BEST1: variants seen among roughly 807,000 people sequenced by gnomAD.
BEST1 encodes the protein bestrophin-1.
Under a neutral mutation model 63.3 loss-of-function variants are expected in BEST1, and 58 were observed. The observed-to-expected ratio is 0.92, with a 90% CI of 0.74 to 1.14. The LOEUF (loss-of-function observed/expected upper bound fraction) is 1.14. BEST1 is among the 50% of genes most tolerant of loss of function. BEST1 has a pLI of 0.00. For missense variants in BEST1, 671 were observed against 740.1 expected (o/e 0.91, Z 1.08); for synonymous variants, 283 against 291.6 (o/e 0.97, Z 0.30).
intron 7 of BEST1, 74 bp from the exon 8 acceptor site, chr11:61,959,424 G>A: frequency 7.0e-7 from 1 of 1,422,890 alleles, no homozygotes; most frequent in Non-Finnish European, 9.9e-7. Context: ...AATAGCAGCA[G>A]CTGAGGTTTA....
intron 2 of BEST1, among the ~76,000 whole-genome samples, chr11:61,954,316 C>T (rs1402081962): frequency 2.0e-5 from 3 of 152,054 alleles, no homozygotes; most frequent in African/African-American, 4.8e-5. Flanking sequence ...ACCCAAAGTT[C>T]ATAGCGTACA....
At position 61,958,350 on chromosome 11, in the gene BEST1, G is replaced by A. The variant is rs764267709; in HGVS notation, c.867+52G>A. 9.3e-6 allele frequency: 15 copies of A among 1,613,654 alleles called. No individual in the cohort carries two copies. The South Asian group carries it at 1.4e-4, about 15-fold the overall frequency. On this transcript the variant is annotated intron_variant, in intron 7 of 10. Transcript: ENST00000378043. ...CTGGAGGCATGGCCAGAGGGGTCAT[G>A]GCCAGCAGCTGCCTGAGACGAGGAT...
chr11:61,960,124 A>T (rs1941912412), intron 9 of BEST1, 81 bp downstream of exon 9: 1 of 1,541,290 alleles, frequency 6.5e-7, no homozygotes, highest in Non-Finnish European at 8.8e-7. Context: ...AGCACTAGTT[A>T]ATGCATACAG....
At chr11:61,951,300 T>G (rs1213499692) in intron 1 of BEST1, among the ~76,000 whole-genome samples, 1 of 152,132 alleles carries the variant, frequency 6.6e-6, no homozygotes, top group African/African-American at 2.4e-5. Context: ...CTCCACCTCC[T>G]GGGTTCAAGC....
rs1244488564 is a variant in BEST1 at position 61,954,912 on chromosome 11, C to T, written c.153-195C>T. 3.0e-6 allele frequency: 3 copies of T among 985,318 alleles called. No individual in the cohort carries two copies. In the African/African-American group the frequency reaches 5.2e-5, roughly 17 times the overall value. 61.0% of individuals were successfully genotyped at this position (985,318 alleles called of 1,614,324 possible). On this transcript the variant is annotated intron_variant, in intron 2 of 10. Coordinates refer to ENST00000378043, the MANE Select transcript of BEST1 (RefSeq NM_004183.4). ...ACAAGAAACCACTGGAGGGGGCCTC[C>T]TCCTGTCCGGGTTTGGGGCTGTACA...
chr11:61,954,718 G>A (rs1189278002), intron 2 of BEST1: 1 of 841,676 alleles, frequency 1.2e-6, no homozygotes, highest in African/African-American at 1.8e-5. Context: ...CCAGAGCTCT[G>A]GGATTACAGG....
chr11:61,955,966 A>AGCAACGGGGAGGCACCGGGC lies in BEST1; in HGVS notation c.481+16_481+35dup. ...GGTGCAAGCAGGTGGGCGGACCGGG[A>AGCAACGGGGAGGCACCGGGC]GCAACGGGGAGGCACCGGGCAGAGC... is the stretch of plus-strand genomic sequence containing the variant. On this transcript the variant is annotated intron_variant, in intron 4 of 10. Transcript: ENST00000378043. 6.5e-7 allele frequency: 1 copy of AGCAACGGGGAGGCACCGGGC among 1,542,814 alleles called. No homozygotes were observed. The highest frequency in any genetic ancestry group is 1.2e-5 in the South Asian group (1 of 83,890).
intron 2 of BEST1, 143 bp from the exon 3 acceptor site, chr11:61,954,964 C>T (rs1224811767): frequency 1.3e-6 from 2 of 1,504,346 alleles, no homozygotes; most frequent in Admixed American, 2.0e-5. Flanking sequence ...TGGCTCAGGC[C>T]TCAGGAGGGG....
rs1465126877 is a variant in BEST1 at position 61,962,709 on chromosome 11, A to C, written c.1555A>C (p.Ser519Arg). The change falls in exon 10 of 11, where the codon AGC (serine) becomes CGC (arginine). Residue 519 changes from serine (S) to arginine (R), a missense_variant. By Grantham distance (110) the Ser-to-Arg change is moderately radical. Transcript: ENST00000378043. ...GAAAAGTTTTGAATTGCTCTCAGAG[A>C]GCGATGGGGCCTTGATGGAGCACCC... is the stretch of plus-strand genomic sequence containing the variant. ...AKKSFELLSE[S>R]DGALMEHPEV... The C allele has an allele frequency of 3.7e-6, 6 of 1,614,218 alleles. No individual in the cohort carries two copies. Among genetic ancestry groups the C allele is most frequent in the Admixed American group, 3.3e-5 (2 of 60,018 alleles).
Position 61,964,283 on chromosome 11 carries a change from A to G in BEST1, c.*161A>G. 7.2e-7 allele frequency: 1 copy of G among 1,395,146 alleles called. No homozygotes were observed. Among genetic ancestry groups the G allele is most frequent in the Non-Finnish European group, 9.7e-7 (1 of 1,033,280 alleles). 86.4% of individuals were successfully genotyped at this position (1,395,146 alleles called of 1,614,324 possible). A position where few individuals can be genotyped will look rare whatever the true frequency, so the allele number is the denominator to read the frequency against. The stretch of plus-strand genomic sequence containing the variant: ...GCTTAATAGATAAAAATCCCAGACT[A>G]CTTCAGCCTTTAATGCCTTTTATTC... On this transcript the variant is annotated 3_prime_UTR_variant, in exon 11 of 11. Transcript: ENST00000378043.
rs748242323 is a variant in BEST1 at position 61,955,734 on chromosome 11, G to T, written c.264G>T (p.Leu88=). The T allele has an allele frequency of 5.8e-6, 9 of 1,548,192 alleles. No individual in the cohort carries two copies. The South Asian group carries it at 1.1e-4, about 18-fold the overall frequency. ...CCTGCCCAGGCTTCTACGTGACGCT[G>T]GTCGTGACCCGCTGGTGGAACCAGT... ...ISFVLGFYVT[L]VVTRWWNQYE... The change falls in exon 4 of 11, where the codon CTG becomes CTT. Residue 88 remains leucine, a synonymous_variant. Coordinates refer to ENST00000378043, the MANE Select transcript of BEST1 (RefSeq NM_004183.4).
rs1233240755 is a variant in BEST1 at position 61,958,644 on chromosome 11, T to C, written c.867+346T>C. On this transcript the variant is annotated intron_variant, in intron 7 of 10. Transcript: ENST00000378043. ...GGCAGATCGGCACCACCTCTCCTTA[T>C]TCAAGATGCCTGTTGGGCTGTCTTG... 11 of 550,340 alleles carry C rather than the reference T, an allele frequency of 2.0e-5. No individual in the cohort carries two copies. The East Asian group carries it at 3.7e-4, about 19-fold the overall frequency. The allele number at this position is 550,340 out of a possible 1,614,324, so 34.1% of individuals were successfully genotyped here.
Position 61,962,395 on chromosome 11 carries a change from G to A in BEST1, c.1241G>A (p.Trp414Ter), listed in dbSNP as rs1173448901. Residue 414 changes from tryptophan to a stop codon, truncating the protein, a stop_gained, in exon 10 of 11, where the codon TGG becomes TAG. Transcript: ENST00000378043. LOFTEE classifies it high-confidence loss of function. Reference sequence around the variant, plus strand: ...GCAAACTCAAGGACCAAACTACTGTGGCCCAAGAGGGAATCCCTTCTCCAC... The same window carrying A: ...GCAAACTCAAGGACCAAACTACTGTAGCCCAAGAGGGAATCCCTTCTCCAC... ...PRANSRTKLL[W>*]PKRESLLHEG... is the part of the protein sequence containing the mutation. 2.5e-6 allele frequency: 4 copies of A among 1,614,140 alleles called. No individual in the cohort carries two copies. Among genetic ancestry groups the A allele is most frequent in the Non-Finnish European group, 3.4e-6 (4 of 1,180,018 alleles).
chr11:61,958,686 G>T, intron 7 of BEST1: 2 of 479,508 alleles, frequency 4.2e-6, no homozygotes, highest in South Asian at 2.1e-5. Context: ...ACCTCAAGTG[G>T]CTTGTCCAGG....
At chr11:61,965,250 C>T, downstream of BEST1, 1 of 1,592,906 alleles carries the variant, frequency 6.3e-7, no homozygotes, top group Non-Finnish European at 8.6e-7. Flanking sequence ...TAAAAAAGCA[C>T]AAAAGGCAAA....
intron 3 of BEST1, 138 bp from the exon 4 acceptor site, chr11:61,955,580 A>C: frequency 9.2e-7 from 1 of 1,087,554 alleles, no homozygotes; most frequent in Non-Finnish European, 1.3e-6. Flanking sequence ...CTCGCTCCCG[A>C]GCGCCTTCCA....
At chr11:61,961,838 T>G in intron 9 of BEST1, 1 of 209,924 alleles carries the variant, frequency 4.8e-6, no homozygotes, top group South Asian at 7.8e-5. Context: ...TTTCTCTTTG[T>G]GGATGTCACT....
chr11:61,954,901 G>C (rs1052942562), intron 2 of BEST1: 27 of 985,438 alleles, frequency 2.7e-5, no homozygotes, highest in Non-Finnish European at 3.1e-5. Context: ...GAAACCACTG[G>C]AGGGGGCCTC....
At position 61,951,753 on chromosome 11, in the gene BEST1, G is replaced by T. The variant is rs570130715; in HGVS notation, c.-36-18G>T. The T allele has an allele frequency of 2.2e-5, 36 of 1,604,828 alleles. No homozygotes were observed. The African/African-American group carries it at 4.3e-4, about 19-fold the overall frequency. On this transcript the variant is annotated intron_variant, in intron 1 of 10. Coordinates refer to ENST00000378043, the MANE Select transcript of BEST1 (RefSeq NM_004183.4). ...CTCTGATCCCTACAAACCCCCAATC[G>T]GTGTCCCTCTCTACCAGGACCCAAG... is the stretch of plus-strand genomic sequence containing the variant.
Sources: gnomAD v4.1 joint callset for allele counts (sites outside exome capture counted in the v4.1 genomes callset) on GRCh38, gnomAD v4.1.1 for gene constraint, MANE v1.5 for transcripts, NCBI Gene and HGNC (gene_info 2026-07-23, HGNC 2026-07-21) for gene names.